The following ZDHHC5 variants were observed in gnomAD, a reference collection of about 807,000 sequenced individuals.
The protein encoded by ZDHHC5 is zDHHC palmitoyltransferase 5, also known as palmitoyltransferase ZDHHC5.
In ZDHHC5, 22 loss-of-function variants were observed where a neutral mutation model predicts 70.0. The observed-to-expected ratio is 0.31, with a 90% CI of 0.22 to 0.45. ZDHHC5 has a LOEUF of 0.45. Among genes scored for constraint, ZDHHC5 ranks in the 20% least tolerant of loss-of-function variants. The pLI is 1.00. For missense variants in ZDHHC5, 746 were observed against 926.9 expected (o/e 0.80, Z 2.53); for synonymous variants, 313 against 347.8 (o/e 0.90, Z 1.11).
Position 57,699,827 on chromosome 11 carries a change from CCCATTTCCTGA to C in ZDHHC5, c.1983-37_1983-27del, listed in dbSNP as rs779108002. 8 of 1,612,936 alleles carry C rather than the reference CCCATTTCCTGA, an allele frequency of 5.0e-6. No homozygotes were observed. In the East Asian group the frequency reaches 1.8e-4, roughly 36 times the overall value. ...TGTCTCCCTTTCCAATGTTTTCTGT[CCCATTTCCTGA>C]CACCTACGTCTTGTCTCTTCTTTCC... On this transcript the variant is annotated intron_variant, in intron 11 of 11. Transcript: ENST00000287169.
At chr11:57,679,983 G>C (rs1050350665) in intron 2 of ZDHHC5, among the ~76,000 whole-genome samples, 2 of 152,140 alleles carry the variant, frequency 1.3e-5, no homozygotes, top group Non-Finnish European at 2.9e-5. Context: ...TCCATTCCAG[G>C]ATTACACACT....
Position 57,698,576 on chromosome 11 carries a change from C to T in ZDHHC5, c.1140C>T (p.Ser380=). Residue 380 remains serine, a synonymous_variant, in exon 11 of 12, where the codon AGC becomes AGT. Transcript: ENST00000287169. ...SSSAKLSRGD[S]LKEPTSIAES... ...TTCCTCAGTTGAGTCGTGGGGACAG[C>T]TTGAAGGAGCCAACCTCAATTGCAG... 2 of 1,608,650 alleles carry T rather than the reference C, an allele frequency of 1.2e-6. No individual in the cohort carries two copies. The highest frequency in any genetic ancestry group is 8.5e-7 in the Non-Finnish European group (1 of 1,177,278).
chr11:57,693,035 CTGGGTGTGGCGGCTCACACCCAG>C (rs1236240706), intron 7 of ZDHHC5, among the ~76,000 whole-genome samples: 85 of 152,116 alleles, frequency 5.6e-4, no homozygotes, highest in African/African-American at 2.0e-3. Context: ...ATTCTCATGG[CTGGGTGTGGCGGCTCACACCCAG>C]CACTTTGGGA....
chr11:57,676,814 G>A (rs1232992175), intron 2 of ZDHHC5, among the ~76,000 whole-genome samples: 1 of 150,460 alleles, frequency 6.6e-6, no homozygotes, highest in Non-Finnish European at 1.5e-5. Flanking sequence ...CTTGTTTAAA[G>A]TCTCATCAAA....
intron 3 of ZDHHC5, among the ~76,000 whole-genome samples, chr11:57,684,516 G>A (rs557601632): frequency 6.6e-6 from 1 of 152,238 alleles, no homozygotes; most frequent in East Asian, 1.9e-4. Flanking sequence ...GGAGGAGAGA[G>A]TTTTTTAGGA....
In ZDHHC5 at chr11:57,672,886, T is replaced by G. The variant is rs1046780448; in HGVS notation, c.-205T>G. On this transcript the variant is annotated 5_prime_UTR_variant, in exon 2 of 12. Coordinates refer to ENST00000287169, the MANE Select transcript of ZDHHC5 (RefSeq NM_015457.3). ...GGTTATTCATCATTTGGAATCACCT[T>G]TCCCCCTCCCATGTGCTTTCCTTCA... 12 of 524,704 alleles carry G rather than the reference T, an allele frequency of 2.3e-5. No homozygotes were observed. The highest frequency in any genetic ancestry group is 3.8e-5 in the Non-Finnish European group (11 of 290,130). The allele number at this position is 524,704 out of a possible 1,614,324, so 32.5% of individuals were successfully genotyped here. A position where few individuals can be genotyped will look rare whatever the true frequency, so the allele number is the denominator to read the frequency against.
chr11:57,669,245 CATTTAG>C (rs931954298), intron 1 of ZDHHC5, among the ~76,000 whole-genome samples: 4 of 152,174 alleles, frequency 2.6e-5, no homozygotes, highest in African/African-American at 9.7e-5. Context: ...CATTACTGTG[CATTTAG>C]ATTTACTCTA....
chr11:57,670,633 C>T (rs562294572), intron 1 of ZDHHC5, among the ~76,000 whole-genome samples: 1 of 152,014 alleles, frequency 6.6e-6, no homozygotes, highest in African/African-American at 2.4e-5. Flanking sequence ...TTTTCTAGGA[C>T]TATAACAGTT....
chr11:57,689,730 C>T (rs998354888), intron 4 of ZDHHC5, among the ~76,000 whole-genome samples: 3 of 147,218 alleles, frequency 2.0e-5, no homozygotes, highest in South Asian at 2.1e-4. Context: ...TTGCCCAGTA[C>T]AGTGGCTATT....
At chr11:57,680,877 G>T (rs762473927) in intron 2 of ZDHHC5, among the ~76,000 whole-genome samples, 1 of 152,148 alleles carries the variant, frequency 6.6e-6, no homozygotes, top group Non-Finnish European at 1.5e-5. Flanking sequence ...TCCATGGGGG[G>T]CTTTCTTTGA....
chr11:57,675,416 T>C lies in ZDHHC5; in HGVS notation c.104+2222T>C, dbSNP rs1330685712. ...CTGACATAGGCATTTTCTCAACTGA[T>C]AGTTGAAGCTGTTTAACCTACTTTC... On this transcript the variant is annotated intron_variant, in intron 2 of 11. Transcript: ENST00000287169. Among the ~76,000 whole-genome samples, 12 of 152,252 alleles carry C rather than the reference T, an allele frequency of 7.9e-5. 1 individual carries two copies. Among genetic ancestry groups the C allele is most frequent in the Admixed American group, 6.5e-4 (10 of 15,288 alleles).
chr11:57,669,163 T>C (rs1945967661), intron 1 of ZDHHC5, among the ~76,000 whole-genome samples: 1 of 152,242 alleles, frequency 6.6e-6, no homozygotes, highest in Non-Finnish European at 1.5e-5. Context: ...CGGTATATAA[T>C]GATAACACCC....
intron 2 of ZDHHC5, 23 bp from the exon 3 acceptor site, chr11:57,682,399 C>T (rs1364409175): frequency 6.3e-7 from 1 of 1,593,844 alleles, no homozygotes; most frequent in Non-Finnish European, 8.6e-7. Context: ...GGCAACCCCT[C>T]ATTTTCTTTA....
intron 8 of ZDHHC5, 125 bp from the exon 9 acceptor site, chr11:57,695,795 C>CAA (rs200575894): frequency 0.16 from 181,322 of 1,125,638 alleles, 6,014 homozygotes; most frequent in East Asian, 0.45. Flanking sequence ...GACCTTGTCT[C>CAA]AAAAAAAAAA....
Position 57,672,914 on chromosome 11 carries a change from T to G in ZDHHC5, c.-177T>G. ...CCCCTCCCATGTGCTTTCCTTCATT[T>G]GAGATCTTTTGACCTTTGGCTTTAT... On this transcript the variant is annotated 5_prime_UTR_variant, in exon 2 of 12. Coordinates refer to ENST00000287169, the MANE Select transcript of ZDHHC5 (RefSeq NM_015457.3). 3 of 566,246 alleles carry G rather than the reference T, an allele frequency of 5.3e-6. No individual in the cohort carries two copies. The highest frequency in any genetic ancestry group is 9.4e-6 in the Non-Finnish European group (3 of 317,662). The allele number at this position is 566,246 out of a possible 1,614,324, so 35.1% of individuals were successfully genotyped here. A position where few individuals can be genotyped will look rare whatever the true frequency, so the allele number is the denominator to read the frequency against.
Position 57,693,838 on chromosome 11 carries a change from C to G in ZDHHC5, c.808C>G (p.Arg270Gly). ...KTIVIRPPFL[R>G]PEVSDGQITV... ...AATTGTAATCAGACCTCCCTTCCTT[C>G]GACCAGAAGTTTCAGATGGGCAGAT... Residue 270 changes from arginine (R) to glycine (G), a missense_variant, in exon 8 of 12, where the codon CGA becomes GGA. Around this residue, in one of 6 missense-constraint regions of ZDHHC5, gnomAD observed 114 missense variants for 179.3 expected, o/e 0.64. Transcript: ENST00000287169. 6.2e-7 allele frequency: 1 copy of G among 1,607,324 alleles called. No individual in the cohort carries two copies. The highest frequency in any genetic ancestry group is 1.1e-5 in the South Asian group (1 of 89,610).
chr11:57,690,887 T>C (rs370625706), intron 6 of ZDHHC5, among the ~76,000 whole-genome samples: 1 of 151,952 alleles, frequency 6.6e-6, no homozygotes, highest in Non-Finnish European at 1.5e-5. Context: ...TTAGGAGATA[T>C]ACCTAATGTA....
At chr11:57,676,764 T>C (rs948344533) in intron 2 of ZDHHC5, among the ~76,000 whole-genome samples, 4 of 152,050 alleles carry the variant, frequency 2.6e-5, no homozygotes, top group African/African-American at 9.7e-5. Context: ...TGAGACCTAG[T>C]GCTCCTGGTA....
rs1946015658 is a variant in ZDHHC5 at position 57,672,257 on chromosome 11, A to T, written c.-834A>T. 2 of 398,612 alleles carry T rather than the reference A, an allele frequency of 5.0e-6. No individual in the cohort carries two copies. The highest frequency in any genetic ancestry group is 4.4e-6 in the Non-Finnish European group (1 of 226,054). 24.7% of individuals were successfully genotyped at this position (398,612 alleles called of 1,614,324 possible). A position where few individuals can be genotyped will look rare whatever the true frequency, so the allele number is the denominator to read the frequency against. On this transcript the variant is annotated 5_prime_UTR_variant, in exon 2 of 12. Transcript: ENST00000287169. ...TAGTTTTACATGAACTTTGTAGGAA[A>T]CAGAGCCCTTAAAGGGCTTGGGAAT... is the stretch of plus-strand genomic sequence containing the variant.
Sources: allele counts gnomAD v4.1 joint callset (sites outside exome capture counted in the v4.1 genomes callset), GRCh38; gene constraint gnomAD v4.1.1; regional missense constraint gnomAD v4.1.1; transcripts MANE v1.5; gene names NCBI Gene and HGNC (gene_info 2026-07-23, HGNC 2026-07-21).